The following GPR83 variants were observed in gnomAD, a reference collection of about 807,000 sequenced individuals.
GPR83 encodes G-protein coupled receptor 72.
Under a neutral mutation model 28.0 loss-of-function variants are expected in GPR83, and 23 were observed. The observed-to-expected ratio is 0.82, with a 90% confidence interval of 0.59 to 1.16. GPR83 has a LOEUF of 1.16. GPR83 is among the 50% of genes most tolerant of loss of function. The probability of loss-of-function intolerance (pLI) is 0.00; values close to 1 mark genes in which losing one functional copy is unlikely to be tolerated. For synonymous variants in GPR83, 234 were observed against 215.4 expected (o/e 1.09, Z -0.76); for missense variants, 610 against 536.6 (o/e 1.14, Z -1.35).
Position 94,379,034 on chromosome 11 carries a change from C to A in GPR83, c.*1115G>T, listed in dbSNP as rs533883270. 1 of 152,244 alleles carries A rather than the reference C, an allele frequency of 6.6e-6. No homozygotes were observed. Among genetic ancestry groups the A allele is most frequent in the African/African-American group, 2.4e-5 (1 of 41,522 alleles). 9.4% of individuals were successfully genotyped at this position (152,244 alleles called of 1,614,324 possible). ...CTGGTGGACACCCCTGGGAAAGGTA[C>A]CCCTGTTTCTGTTAATCATTACAAT... On this transcript the variant is annotated 3_prime_UTR_variant, in exon 4 of 4. Transcript: ENST00000243673.
intron 3 of GPR83, among the ~76,000 whole-genome samples, chr11:94,389,640 G>C (rs1222083119): frequency 1.3e-5 from 2 of 152,190 alleles, no homozygotes; most frequent in African/African-American, 2.4e-5. Context: ...ACACCAGTTA[G>C]AATGGCAATC....
At chr11:94,398,586 C>G (rs951025515) in intron 1 of GPR83, among the ~76,000 whole-genome samples, 8 of 152,138 alleles carry the variant, frequency 5.3e-5, no homozygotes, top group Non-Finnish European at 1.0e-4. Flanking sequence ...TGAAAGACTC[C>G]CTCCTCTACG....
chr11:94,381,256 G>A (rs1450320736), intron 3 of GPR83, among the ~76,000 whole-genome samples: 1 of 152,110 alleles, frequency 6.6e-6, no homozygotes, highest in Non-Finnish European at 1.5e-5. Flanking sequence ...GTATTTATTT[G>A]ATATGGAATG....
At chr11:94,399,129 C>T (rs1388366856) in intron 1 of GPR83, among the ~76,000 whole-genome samples, 1 of 152,152 alleles carries the variant, frequency 6.6e-6, no homozygotes, top group Non-Finnish European at 1.5e-5. Context: ...TTCCCAGTTC[C>T]CAACCTAGGT....
chr11:94,393,862 C>T (rs1306505017), intron 2 of GPR83, among the ~76,000 whole-genome samples: 1 of 152,124 alleles, frequency 6.6e-6, no homozygotes, highest in East Asian at 1.9e-4. Flanking sequence ...GCTCACTTGT[C>T]ACATAAGGCA....
intron 3 of GPR83, among the ~76,000 whole-genome samples, chr11:94,381,254 T>C (rs1268447284): frequency 2.6e-5 from 4 of 152,180 alleles, no homozygotes; most frequent in African/African-American, 7.2e-5. Flanking sequence ...AAGTATTTAT[T>C]TGATATGGAA....
intron 3 of GPR83, among the ~76,000 whole-genome samples, chr11:94,384,406 A>C (rs914384033): frequency 6.6e-6 from 1 of 152,192 alleles, no homozygotes; most frequent in Non-Finnish European, 1.5e-5. Context: ...TACAGCTCCC[A>C]GTGTGAGCGA....
At chr11:94,388,504 T>C (rs1450241818) in intron 3 of GPR83, among the ~76,000 whole-genome samples, 2 of 152,176 alleles carry the variant, frequency 1.3e-5, no homozygotes, top group Admixed American at 6.5e-5. Flanking sequence ...TGTGCAAAAA[T>C]CACAAGCATT....
At chr11:94,384,391 C>A (rs953405556) in intron 3 of GPR83, among the ~76,000 whole-genome samples, 10 of 152,156 alleles carry the variant, frequency 6.6e-5, no homozygotes, top group African/African-American at 2.4e-4. Flanking sequence ...GGAACAGCTC[C>A]AGTCTACAGC....
chr11:94,386,378 G>C (rs959116675), intron 3 of GPR83, among the ~76,000 whole-genome samples: 1 of 152,138 alleles, frequency 6.6e-6, no homozygotes, highest in African/African-American at 2.4e-5. Context: ...TGGGCTAAAT[G>C]CTCCAATTAA....
intron 3 of GPR83, among the ~76,000 whole-genome samples, chr11:94,385,577 C>A (rs1217482220): frequency 6.6e-6 from 1 of 152,102 alleles, no homozygotes; most frequent in African/African-American, 2.4e-5. Context: ...CCAATGTGAT[C>A]AACTGGAAGA....
At chr11:94,383,417 T>A (rs1944714365) in intron 3 of GPR83, among the ~76,000 whole-genome samples, 1 of 151,840 alleles carries the variant, frequency 6.6e-6, no homozygotes, top group Non-Finnish European at 1.5e-5. Context: ...AACATCAAAA[T>A]TAAAAGAACT....
At chr11:94,399,225 G>T (rs1944891013) in intron 1 of GPR83, among the ~76,000 whole-genome samples, 2 of 152,206 alleles carry the variant, frequency 1.3e-5, no homozygotes, top group South Asian at 4.1e-4. Context: ...GTTGTCTTGT[G>T]CTTTGAGACA....
chr11:94,381,356 G>C (rs754690929), intron 3 of GPR83, among the ~76,000 whole-genome samples: 1 of 152,014 alleles, frequency 6.6e-6, no homozygotes, highest in Non-Finnish European at 1.5e-5. Flanking sequence ...ACAAAAGAGA[G>C]AGGAAACTTC....
At chr11:94,390,717 C>G (rs1944809335) in intron 3 of GPR83, among the ~76,000 whole-genome samples, 1 of 152,068 alleles carries the variant, frequency 6.6e-6, no homozygotes, top group African/African-American at 2.4e-5. Flanking sequence ...TGAACTCCCA[C>G]TCACAATTGC....
Position 94,377,381 on chromosome 11 carries a change from G to A in GPR83, c.*2768C>T, listed in dbSNP as rs1944631479. 6.6e-6 allele frequency: 1 copy of A among 152,130 alleles called. No homozygotes were observed. The highest frequency in any genetic ancestry group is 1.5e-5 in the Non-Finnish European group (1 of 68,030). The allele number at this position is 152,130 out of a possible 1,614,324, so 9.4% of individuals were successfully genotyped here. On this transcript the variant is annotated 3_prime_UTR_variant, in exon 4 of 4. Coordinates refer to ENST00000243673, the MANE Select transcript of GPR83 (RefSeq NM_016540.4). Reference sequence around the variant, plus strand: ...ACAATAAAACACTTTACAGCACATTGGAAAAACTCAAGTTTCACAAATTTT... The same window carrying A: ...ACAATAAAACACTTTACAGCACATTAGAAAAACTCAAGTTTCACAAATTTT...
intron 3 of GPR83, among the ~76,000 whole-genome samples, chr11:94,383,518 C>A (rs148819232): frequency 2.0e-5 from 3 of 151,980 alleles, no homozygotes; most frequent in East Asian, 1.9e-4. Flanking sequence ...AGACAAAAAA[C>A]CCTTCAAAAA....
At chr11:94,398,790 T>C (rs752677455) in intron 1 of GPR83, among the ~76,000 whole-genome samples, 2 of 152,090 alleles carry the variant, frequency 1.3e-5, no homozygotes, top group Non-Finnish European at 2.9e-5. Context: ...CTGTGCTGAG[T>C]AAGGCCAAGG....
In GPR83 at chr11:94,399,832, G is replaced by A. The variant is rs139312144; in HGVS notation, c.387+1029C>T. ...CTGTCACTATGGTTGCTCAGTCATC[G>A]CCCTTACAGTCCCAAATCATCCATG... On this transcript the variant is annotated intron_variant, in intron 1 of 3. Coordinates refer to ENST00000243673, the MANE Select transcript of GPR83 (RefSeq NM_016540.4). Among the ~76,000 whole-genome samples, 47 of 152,216 alleles carry A rather than the reference G, an allele frequency of 3.1e-4. No individual in the cohort carries two copies. The East Asian group carries it at 6.4e-3, about 21-fold the overall frequency.
Sources: allele counts gnomAD v4.1 joint callset (sites outside exome capture counted in the v4.1 genomes callset), GRCh38; gene constraint gnomAD v4.1.1; transcripts MANE v1.5; gene names NCBI Gene and HGNC (gene_info 2026-07-23, HGNC 2026-07-21).